NCOA1: variants seen among roughly 807,000 people sequenced by gnomAD.
The protein encoded by NCOA1 is nuclear receptor coactivator 1, also known as Hin-2 protein.
A neutral mutation model predicts 150.9 loss-of-function variants in NCOA1; 35 were observed. That is an observed-to-expected ratio of 0.23 (90% CI 0.18 to 0.31). The LOEUF is 0.31. NCOA1 is among the 10% of genes least tolerant of loss of function. The pLI is 1.00. For synonymous variants in NCOA1, 590 were observed against 630.0 expected (o/e 0.94, Z 0.95); for missense variants, 1,491 against 1,749.3 (o/e 0.85, Z 2.63).
chr2:24,742,244 T>A (rs958264112), intron 19 of NCOA1, 58 bp downstream of exon 19: 1 of 1,517,810 alleles, frequency 6.6e-7, no homozygotes, highest in African/African-American at 1.4e-5. Context: ...TAGGTCTCTC[T>A]CCATCTTTAT....
intron 1 of NCOA1, chr2:24,555,986 T>C (rs1666052001): frequency 6.6e-6 from 1 of 152,224 alleles, no homozygotes; most frequent in South Asian, 2.1e-4. Flanking sequence ...CCTTTTTTGT[T>C]TATTTTTTCC....
chr2:24,733,292 TG>T (rs1663113153), intron 17 of NCOA1, among the ~76,000 whole-genome samples: 1 of 152,220 alleles, frequency 6.6e-6, no homozygotes, highest in South Asian at 2.1e-4. Context: ...AATAACAGGT[TG>T]TATTTTTTGT....
At chr2:24,663,615 A>G (rs1023188414) in intron 5 of NCOA1, among the ~76,000 whole-genome samples, 1 of 152,236 alleles carries the variant, frequency 6.6e-6, no homozygotes, top group African/African-American at 2.4e-5. Flanking sequence ...AGAGAGAAAT[A>G]TAGTTGACCC....
At chr2:24,563,256 C>A (rs1666358995) in intron 1 of NCOA1, among the ~76,000 whole-genome samples, 1 of 152,134 alleles carries the variant, frequency 6.6e-6, no homozygotes, top group African/African-American at 2.4e-5. Context: ...GATGAGAAAG[C>A]ATAACTGGGG....
At chr2:24,713,094 G>A (rs1375964367) in intron 14 of NCOA1, among the ~76,000 whole-genome samples, 1 of 152,020 alleles carries the variant, frequency 6.6e-6, no homozygotes, top group Admixed American at 6.6e-5. Context: ...AGCTGGGCAT[G>A]GTGGCAGGCA....
At chr2:24,760,243 G>A (rs1379132667) in intron 21 of NCOA1, among the ~76,000 whole-genome samples, 3 of 145,858 alleles carry the variant, frequency 2.1e-5, no homozygotes, top group Non-Finnish European at 3.0e-5. Flanking sequence ...AGGTTCAACC[G>A]ATTCTCCTGC....
rs751377710 is a variant in NCOA1, at chr2:24,706,718, C to G, written c.1248C>G (p.Thr416=). The change falls in exon 13 of 23, where the codon ACC becomes ACG. Residue 416 remains threonine, a synonymous_variant. Coordinates refer to ENST00000348332, the MANE Select transcript of NCOA1 (RefSeq NM_003743.5). Reference sequence around the variant, plus strand: ...CATCCAACAGCAACATGGTATCCACCAGAATAAACCGCCAGCAGAGCTCAG... The same window carrying G: ...CATCCAACAGCAACATGGTATCCACGAGAATAAACCGCCAGCAGAGCTCAG... ...LPPSNSNMVS[T]RINRQQSSDL... is the part of the protein sequence containing the mutation. The G allele has an allele frequency of 5.6e-6, 9 of 1,614,176 alleles. No homozygotes were observed. In the East Asian group the frequency reaches 2.0e-4, roughly 36 times the overall value.
intron 3 of NCOA1, among the ~76,000 whole-genome samples, chr2:24,601,989 G>T (rs1053216271): frequency 6.6e-6 from 1 of 151,984 alleles, no homozygotes; most frequent in Admixed American, 6.6e-5. Flanking sequence ...TCCTTATCAG[G>T]TAGTTTAATC....
intron 9 of NCOA1, among the ~76,000 whole-genome samples, chr2:24,692,132 A>G (rs74923064): frequency 6.6e-6 from 1 of 152,226 alleles, no homozygotes. Context: ...AAGCTCTAAT[A>G]TGAACATGGT....
At chr2:24,607,780 G>C (rs965620334) in intron 3 of NCOA1, among the ~76,000 whole-genome samples, 10 of 152,102 alleles carry the variant, frequency 6.6e-5, no homozygotes, top group African/African-American at 2.4e-4. Context: ...AAACGAGTTG[G>C]GGAATGAATA....
In NCOA1 at chr2:24,703,267, G is replaced by GA. The variant is rs1673253476; in HGVS notation, c.950-1819_950-1818insA. On this transcript the variant is annotated intron_variant, in intron 11 of 22. Transcript: ENST00000348332. Reference sequence around the variant, plus strand: ...GCTGTTACTCTTTTCATTGATTTATGCTGCCTTCCTTTGACCTCTTCATCT... The same window carrying GA: ...GCTGTTACTCTTTTCATTGATTTATGACTGCCTTCCTTTGACCTCTTCATCT... 5.3e-5 allele frequency among the ~76,000 whole-genome samples: 8 copies of GA among 152,270 alleles called. No individual in the cohort carries two copies. The South Asian group carries it at 1.7e-3, about 32-fold the overall frequency.
At chr2:24,538,940 A>G (rs753535541) in intron 1 of NCOA1, among the ~76,000 whole-genome samples, 41 of 152,254 alleles carry the variant, frequency 2.7e-4, no homozygotes, top group Non-Finnish European at 4.3e-4. Flanking sequence ...TCTTTTGACT[A>G]GTCAAGTAAG....
At chr2:24,750,701 G>A (rs1466952151) in intron 19 of NCOA1, among the ~76,000 whole-genome samples, 1 of 152,142 alleles carries the variant, frequency 6.6e-6, no homozygotes, top group African/African-American at 2.4e-5. Context: ...CTACAAACAG[G>A]TACAAGGAAG....
chr2:24,705,324 C>A, intron 12 of NCOA1, 91 bp downstream of exon 12: 2 of 1,344,436 alleles, frequency 1.5e-6, no homozygotes, highest in Non-Finnish European at 1.0e-6. Context: ...GGCTAGAAAG[C>A]AGAAATTCTA....
chr2:24,631,475 A>C (rs1322812371), intron 3 of NCOA1, among the ~76,000 whole-genome samples: 1 of 152,166 alleles, frequency 6.6e-6, no homozygotes, highest in African/African-American at 2.4e-5. Context: ...CACACCTCAC[A>C]GTCAGTATAC....
At chr2:24,527,385 A>G (rs557294714) in intron 1 of NCOA1, among the ~76,000 whole-genome samples, 1 of 152,288 alleles carries the variant, frequency 6.6e-6, no homozygotes, top group East Asian at 1.9e-4. Flanking sequence ...CTTTTAAAAC[A>G]TTCCATATGT....
chr2:24,662,973 T>C (rs1276803214), intron 5 of NCOA1, among the ~76,000 whole-genome samples: 1 of 151,404 alleles, frequency 6.6e-6, no homozygotes, highest in Non-Finnish European at 1.5e-5. Context: ...TCTTTTTTTT[T>C]TTTTAGAGAC....
At chr2:24,674,291 C>T (rs747415431) in intron 7 of NCOA1, among the ~76,000 whole-genome samples, 232 of 150,944 alleles carry the variant, frequency 1.5e-3, no homozygotes, top group Middle Eastern at 3.4e-3. Context: ...CTGCAAGCTC[C>T]GCCTCCCCGG....
intron 8 of NCOA1, among the ~76,000 whole-genome samples, chr2:24,691,142 A>G (rs1436379546): frequency 6.6e-6 from 1 of 152,226 alleles, no homozygotes; most frequent in Non-Finnish European, 1.5e-5. Flanking sequence ...TCAAAGTATA[A>G]CTGGAAACCA....
Sources: allele counts gnomAD v4.1 joint callset (sites outside exome capture counted in the v4.1 genomes callset), GRCh38; gene constraint gnomAD v4.1.1; transcripts MANE v1.5; gene names NCBI Gene and HGNC (gene_info 2026-07-23, HGNC 2026-07-21).